Variants in FAM107B observed in about 807,000 individuals in gnomAD.
FAM107B encodes the protein family with sequence similarity 107 member B.
In FAM107B, 21 loss-of-function variants were observed where a neutral mutation model predicts 31.5. The ratio of observed to expected loss-of-function variants is 0.67; its 90% CI spans 0.47 to 0.96. The LOEUF is 0.96. Ranked by LOEUF, FAM107B falls within the 40% of genes least tolerant of loss-of-function variation. FAM107B has a pLI of 0.00. For missense variants in FAM107B, 452 were observed against 377.1 expected (o/e 1.20, Z -1.64); for synonymous variants, 157 against 141.5 (o/e 1.11, Z -0.78).
At chr10:14,663,887 CAAA>C (rs3035297) in intron 2 of FAM107B, among the ~76,000 whole-genome samples, 5 of 80,388 alleles carry the variant, frequency 6.2e-5, no homozygotes, top group Non-Finnish European at 8.6e-5. Context: ...GATCATCAGC[CAAA>C]AAAAAAAAAA....
chr10:14,653,652 A>C (rs1237361655), intron 2 of FAM107B, among the ~76,000 whole-genome samples: 1 of 152,254 alleles, frequency 6.6e-6, no homozygotes. Context: ...GGCAATGCAC[A>C]GTTGCAAAAT....
intron 1 of FAM107B, among the ~76,000 whole-genome samples, chr10:14,678,492 C>T (rs1216453106): frequency 6.6e-6 from 1 of 152,110 alleles, no homozygotes; most frequent in Non-Finnish European, 1.5e-5. Context: ...GTGGGGGACA[C>T]TGCAGTGAAC....
At chr10:14,628,826 C>T (rs145511954) in intron 2 of FAM107B, among the ~76,000 whole-genome samples, 191 of 151,986 alleles carry the variant, frequency 1.3e-3, no homozygotes, top group Non-Finnish European at 2.1e-3. Context: ...TGAGCCTAGT[C>T]GTTTGAGACC....
chr10:14,575,094 G>A (rs1851421830), intron 2 of FAM107B, among the ~76,000 whole-genome samples: 1 of 152,146 alleles, frequency 6.6e-6, no homozygotes, highest in South Asian at 2.1e-4. Context: ...AGCACTAAAG[G>A]GGTTAAGCTT....
At chr10:14,640,907 A>G (rs1431767558) in intron 2 of FAM107B, among the ~76,000 whole-genome samples, 1 of 152,156 alleles carries the variant, frequency 6.6e-6, no homozygotes, top group Non-Finnish European at 1.5e-5. Flanking sequence ...TTAAAGAAAA[A>G]AACTTGCTTT....
chr10:14,663,130 C>A (rs1190685730), intron 2 of FAM107B, among the ~76,000 whole-genome samples: 2 of 152,232 alleles, frequency 1.3e-5, no homozygotes, highest in Non-Finnish European at 2.9e-5. Context: ...TTGCCAGGGG[C>A]TCCCAGGCCT....
intron 1 of FAM107B, among the ~76,000 whole-genome samples, chr10:14,696,554 G>T (rs747206965): frequency 1.3e-5 from 2 of 151,808 alleles, no homozygotes; most frequent in Non-Finnish European, 2.9e-5. Context: ...GTGGTGGGGG[G>T]TAAAGAACTT....
intron 2 of FAM107B, among the ~76,000 whole-genome samples, chr10:14,634,165 G>A (rs1188732565): frequency 6.6e-6 from 1 of 152,204 alleles, no homozygotes; most frequent in Non-Finnish European, 1.5e-5. Context: ...GGGAGGCCAA[G>A]GTGGGTGGAT....
intron 2 of FAM107B, among the ~76,000 whole-genome samples, chr10:14,538,181 T>C (rs1478489259): frequency 6.6e-6 from 1 of 152,180 alleles, no homozygotes; most frequent in Admixed American, 6.5e-5. Context: ...GAAAACATCT[T>C]GCAAAGGATG....
At chr10:14,551,745 A>AT (rs2131075583) in intron 2 of FAM107B, among the ~76,000 whole-genome samples, 1 of 152,288 alleles carries the variant, frequency 6.6e-6, no homozygotes, top group South Asian at 2.1e-4. Context: ...TGATAACAAC[A>AT]TATTATCACC....
At chr10:14,715,024 C>A (rs1219831428) in intron 1 of FAM107B, among the ~76,000 whole-genome samples, 1 of 152,160 alleles carries the variant, frequency 6.6e-6, no homozygotes, top group Non-Finnish European at 1.5e-5. Flanking sequence ...GTAGTGAAGT[C>A]ACTAATGGGC....
intron 2 of FAM107B, among the ~76,000 whole-genome samples, chr10:14,576,053 G>C (rs543428112): frequency 6.6e-6 from 1 of 152,310 alleles, no homozygotes; most frequent in East Asian, 1.9e-4. Flanking sequence ...CAAACTCACA[G>C]AAAGTAGAAT....
At chr10:14,594,734 C>G (rs1208416828) in intron 2 of FAM107B, among the ~76,000 whole-genome samples, 2 of 152,156 alleles carry the variant, frequency 1.3e-5, no homozygotes, top group Non-Finnish European at 2.9e-5. Context: ...CATGGCACCT[C>G]TCATGGAACT....
chr10:14,755,496 CAAAAAA>C lies in FAM107B; in HGVS notation c.411+18751_411+18756del, dbSNP rs561070511. 5.3e-5 allele frequency among the ~76,000 whole-genome samples: 6 copies of C among 113,846 alleles called. No individual in the cohort carries two copies. In the South Asian group the frequency reaches 1.4e-3, roughly 27 times the overall value. 74.7% of individuals were successfully genotyped at this position (113,846 alleles called of 152,430 possible). A position where few individuals can be genotyped will look rare whatever the true frequency, so the allele number is the denominator to read the frequency against. On this transcript the variant is annotated intron_variant, in intron 1 of 4. Coordinates refer to ENST00000181796, the MANE Select transcript of FAM107B (RefSeq NM_031453.4). ...GCAGAGGTTGTGTGAGATTCTGTCTCAAAAAAAAAAAAAAGAAAAAAGAAAAGAAAG... is the reference window on the plus strand; with the variant it reads ...GCAGAGGTTGTGTGAGATTCTGTCTCAAAAAAAAGAAAAAAGAAAAGAAAG...
At chr10:14,702,396 C>G (rs1402676914) in intron 1 of FAM107B, among the ~76,000 whole-genome samples, 2 of 152,128 alleles carry the variant, frequency 1.3e-5, no homozygotes, top group Non-Finnish European at 2.9e-5. Flanking sequence ...ACTTTATTCT[C>G]AGGCTGAAAT....
chr10:14,772,135 A>T (rs1279806366), intron 1 of FAM107B, among the ~76,000 whole-genome samples: 2 of 152,088 alleles, frequency 1.3e-5, no homozygotes, highest in Non-Finnish European at 2.9e-5. Context: ...CGGGGGAGTC[A>T]TGAGGACAGG....
At chr10:14,647,155 G>T (rs1853777649) in intron 2 of FAM107B, among the ~76,000 whole-genome samples, 1 of 152,054 alleles carries the variant, frequency 6.6e-6, no homozygotes. Context: ...TTTTCCCACA[G>T]AAAGTCTTCC....
At chr10:14,752,480 T>C (rs939360964) in intron 1 of FAM107B, among the ~76,000 whole-genome samples, 2 of 152,230 alleles carry the variant, frequency 1.3e-5, no homozygotes, top group African/African-American at 2.4e-5. Flanking sequence ...ATATAGGTTC[T>C]AGTAAACCTC....
intron 1 of FAM107B, among the ~76,000 whole-genome samples, chr10:14,670,630 C>T (rs758806307): frequency 6.6e-6 from 1 of 152,204 alleles, no homozygotes; most frequent in Non-Finnish European, 1.5e-5. Context: ...TTTTTTATTG[C>T]TCTGAATTCC....
Sources: allele counts gnomAD v4.1 joint callset (sites outside exome capture counted in the v4.1 genomes callset), GRCh38; gene constraint gnomAD v4.1.1; transcripts MANE v1.5; gene names NCBI Gene and HGNC (gene_info 2026-07-23, HGNC 2026-07-21).